Variants in CTIF observed in about 807,000 individuals in gnomAD.
CTIF encodes CBP80/20-dependent translation initiation factor.
A neutral mutation model predicts 66.0 loss-of-function variants in CTIF; 21 were observed. The observed-to-expected ratio is 0.32, with a 90% CI of 0.23 to 0.46. The LOEUF (loss-of-function observed/expected upper bound fraction) is 0.46. Among genes scored for constraint, CTIF ranks in the 20% least tolerant of loss-of-function variants. The pLI is 1.00. For synonymous variants in CTIF, 345 were observed against 326.4 expected (o/e 1.06, Z -0.62); for missense variants, 739 against 812.7 (o/e 0.91, Z 1.10).
chr18:48,626,000 CT>C (rs74174709), intron 2 of CTIF, among the ~76,000 whole-genome samples: 1,782 of 109,096 alleles, frequency 0.016, 35 homozygotes, highest in East Asian at 0.13. Context: ...CTTTTTCTTT[CT>C]TTTTTTTTTT....
intron 6 of CTIF, among the ~76,000 whole-genome samples, chr18:48,702,882 G>A (rs2092102212): frequency 6.6e-6 from 1 of 151,758 alleles, no homozygotes. Context: ...TGCCCACGTG[G>A]AGAGAGACCT....
chr18:48,742,317 G>GTTACAGCACA (rs1464559339), intron 7 of CTIF, among the ~76,000 whole-genome samples: 2 of 152,218 alleles, frequency 1.3e-5, no homozygotes, highest in Non-Finnish European at 2.9e-5. Context: ...AGCAGGGCAG[G>GTTACAGCACA]TTACAGCACA....
chr18:48,792,197 C>T (rs961441853), intron 9 of CTIF, among the ~76,000 whole-genome samples: 3 of 151,896 alleles, frequency 2.0e-5, no homozygotes, highest in African/African-American at 4.8e-5. Context: ...AGGAGTGAGC[C>T]GTGCAGACCT....
chr18:48,691,700 C>A (rs1201594120), intron 6 of CTIF, among the ~76,000 whole-genome samples: 1 of 152,160 alleles, frequency 6.6e-6, no homozygotes, highest in Non-Finnish European at 1.5e-5. Flanking sequence ...AGCATCTTTG[C>A]TCACTCCTGT....
At chr18:48,767,902 G>A (rs1909729332) in intron 9 of CTIF, among the ~76,000 whole-genome samples, 1 of 152,160 alleles carries the variant, frequency 6.6e-6, no homozygotes, top group South Asian at 2.1e-4. Context: ...CTTTAGCACA[G>A]AAGGGGCACT....
At chr18:48,792,175 G>A (rs1327553106) in intron 9 of CTIF, among the ~76,000 whole-genome samples, 1 of 152,206 alleles carries the variant, frequency 6.6e-6, no homozygotes, top group Non-Finnish European at 1.5e-5. Context: ...GGTGACCCTT[G>A]GATAGGCTTG....
chr18:48,758,165 C>G lies in CTIF; in HGVS notation c.831C>G (p.Ile277Met). Residue 277 changes from isoleucine to methionine, a missense_variant, in exon 8 of 12, where the codon ATC becomes ATG. This residue lies in a region of CTIF where 529 missense variants were observed against 520.3 expected (regional missense o/e 1.02). Transcript: ENST00000256413. ...AHRNAKETMT[I>M]ENPKLEDTAG... ...GCAATGCCAAAGAGACCATGACCATCGAGAACCCAAAACTGGAGGACACTG... is the reference window on the plus strand; with the variant it reads ...GCAATGCCAAAGAGACCATGACCATGGAGAACCCAAAACTGGAGGACACTG... 6.2e-7 allele frequency: 1 copy of G among 1,613,986 alleles called. No homozygotes were observed. Among genetic ancestry groups the G allele is most frequent in the Non-Finnish European group, 8.5e-7 (1 of 1,180,014 alleles).
intron 2 of CTIF, among the ~76,000 whole-genome samples, chr18:48,624,372 A>C (rs1177055550): frequency 6.6e-6 from 1 of 151,734 alleles, no homozygotes; most frequent in Non-Finnish European, 1.5e-5. Context: ...CCCCATCCCC[A>C]CCCCACCTAC....
At chr18:48,619,201 G>T (rs561968775) in intron 1 of CTIF, among the ~76,000 whole-genome samples, 4 of 152,300 alleles carry the variant, frequency 2.6e-5, no homozygotes, top group African/African-American at 9.6e-5. Flanking sequence ...AGGAAGTGAG[G>T]CTTGGCCTGT....
At chr18:48,572,841 A>G (rs1231934251) in intron 1 of CTIF, among the ~76,000 whole-genome samples, 1 of 152,068 alleles carries the variant, frequency 6.6e-6, no homozygotes, top group South Asian at 2.1e-4. Flanking sequence ...TACAAAACCT[A>G]GCCAGGCCAC....
At position 48,698,955 on chromosome 18, in the gene CTIF, T is replaced by C. The variant is rs192071730; in HGVS notation, c.508-12664T>C. ...CACATAAGCCTCAGCAGAAATGTGT[T>C]GCCTGAATGAATGAAACCACGGATT... On this transcript the variant is annotated intron_variant, in intron 6 of 11. Coordinates refer to ENST00000256413, the MANE Select transcript of CTIF (RefSeq NM_014772.3). Among the ~76,000 whole-genome samples, 282 of 152,252 alleles carry C rather than the reference T, an allele frequency of 1.9e-3. 3 individuals are homozygous for C. The highest frequency in any genetic ancestry group is 5.7e-3 in the African/African-American group (235 of 41,542).
chr18:48,739,222 T>A (rs2092532819), intron 7 of CTIF, among the ~76,000 whole-genome samples: 1 of 152,194 alleles, frequency 6.6e-6, no homozygotes. Flanking sequence ...ATAGGAGCCT[T>A]CAGGACAGAG....
intron 7 of CTIF, among the ~76,000 whole-genome samples, chr18:48,751,579 G>T (rs1907817139): frequency 6.6e-6 from 1 of 152,230 alleles, no homozygotes; most frequent in African/African-American, 2.4e-5. Context: ...CAGTTCAGAG[G>T]CACACACAAG....
intron 2 of CTIF, chr18:48,625,290 T>C (rs2090573790): frequency 1.2e-6 from 1 of 808,942 alleles, no homozygotes; most frequent in Non-Finnish European, 1.5e-6. Context: ...TTATTATATA[T>C]TTTCCCCTTA....
intron 1 of CTIF, among the ~76,000 whole-genome samples, chr18:48,554,657 G>A (rs181417759): frequency 6.1e-4 from 93 of 152,372 alleles, no homozygotes; most frequent in African/African-American, 2.1e-3. Context: ...TTTTCGGAGA[G>A]AAAGAATCTT....
chr18:48,646,945 A>G (rs1179304793), intron 3 of CTIF, among the ~76,000 whole-genome samples: 1 of 149,506 alleles, frequency 6.7e-6, no homozygotes, highest in Non-Finnish European at 1.5e-5. Context: ...CAAGTACCAT[A>G]TGATTTGATT....
rs949644739 is a variant in CTIF at position 48,862,980 on chromosome 18, A to AAAGAC, written c.*3424_*3428dup. On this transcript the variant is annotated 3_prime_UTR_variant, in exon 12 of 12. Coordinates refer to ENST00000256413, the MANE Select transcript of CTIF (RefSeq NM_014772.3). ...TTTGAGGACACAGATCAGAAGAAAG[A>AAAGAC]AAGACAACTTTCCTCTGCGCGGAAC... 4 of 152,288 alleles carry AAAGAC rather than the reference A, an allele frequency of 2.6e-5. No homozygotes were observed. The highest frequency in any genetic ancestry group is 7.2e-5 in the African/African-American group (3 of 41,472). 9.4% of individuals were successfully genotyped at this position (152,288 alleles called of 1,614,324 possible).
At chr18:48,615,920 C>G (rs1315630040) in intron 1 of CTIF, among the ~76,000 whole-genome samples, 3 of 152,204 alleles carry the variant, frequency 2.0e-5, no homozygotes, top group East Asian at 1.9e-4. Context: ...CCTCGGGGCA[C>G]CAAAAGGCTG....
At chr18:48,579,078 G>T (rs770685562) in intron 1 of CTIF, among the ~76,000 whole-genome samples, 1 of 152,158 alleles carries the variant, frequency 6.6e-6, no homozygotes, top group African/African-American at 2.4e-5. Flanking sequence ...TAGAGACAGT[G>T]TCTCACTCTG....
Sources: allele counts gnomAD v4.1 joint callset (sites outside exome capture counted in the v4.1 genomes callset), GRCh38; gene constraint gnomAD v4.1.1; regional missense constraint gnomAD v4.1.1; transcripts MANE v1.5; gene names NCBI Gene and HGNC (gene_info 2026-07-23, HGNC 2026-07-21).